The following SNX14 variants were observed in gnomAD, a reference collection of about 807,000 sequenced individuals.
SNX14 encodes the protein sorting nexin-14.
Under a neutral mutation model 133.8 loss-of-function variants are expected in SNX14, and 93 were observed. The observed-to-expected ratio is 0.70, with a 90% CI of 0.59 to 0.83. The LOEUF is 0.83. Ranked by LOEUF, SNX14 falls within the 40% of genes least tolerant of loss-of-function variation. The pLI is 0.00. For synonymous variants in SNX14, 368 were observed against 365.6 expected (o/e 1.01, Z -0.07); for missense variants, 945 against 1,094.9 (o/e 0.86, Z 1.93).
intron 15 of SNX14, among the ~76,000 whole-genome samples, chr6:85,539,894 T>C (rs1033205146): frequency 6.6e-6 from 1 of 150,610 alleles, no homozygotes; most frequent in Admixed American, 6.7e-5. Flanking sequence ...TTTTCATCTC[T>C]GAAGTTATGA....
chr6:85,529,412 G>T (rs1779555304), intron 19 of SNX14, among the ~76,000 whole-genome samples: 1 of 151,100 alleles, frequency 6.6e-6, no homozygotes, highest in South Asian at 2.1e-4. Context: ...AAGGAAGGAA[G>T]GAAGCAAGCA....
chr6:85,584,993 C>G (rs1800210036), intron 1 of SNX14, among the ~76,000 whole-genome samples: 1 of 152,146 alleles, frequency 6.6e-6, no homozygotes, highest in African/African-American at 2.4e-5. Flanking sequence ...AGACTTGGAA[C>G]CAACCGAAAT....
intron 18 of SNX14, among the ~76,000 whole-genome samples, chr6:85,531,207 T>G (rs1216676782): frequency 2.6e-5 from 4 of 152,242 alleles, no homozygotes; most frequent in African/African-American, 9.6e-5. Context: ...GGAATCAGAC[T>G]GCCTGTTCTA....
chr6:85,574,893 A>T (rs2128205436), intron 1 of SNX14, among the ~76,000 whole-genome samples: 1 of 152,364 alleles, frequency 6.6e-6, no homozygotes, highest in East Asian at 1.9e-4. Context: ...TACGACAGAA[A>T]GTCTGTGTGA....
rs149213531 is a variant in SNX14, at chr6:85,542,732, G to A, written c.1389+450C>T. On this transcript the variant is annotated intron_variant, in intron 14 of 28. Coordinates refer to ENST00000314673, the MANE Select transcript of SNX14 (RefSeq NM_153816.6). ...TTTAATCTTCACTTAATTACATAGC[G>A]AAAAAGAATATTTACTTTCTTAATC... is the stretch of plus-strand genomic sequence containing the variant. Among the ~76,000 whole-genome samples the A allele has an allele frequency of 4.9e-3, 749 of 152,038 alleles. 9 individuals carry two copies. Among genetic ancestry groups the A allele is most frequent in the African/African-American group, 6.8e-3 (282 of 41,496 alleles).
intron 8 of SNX14, 102 bp from the exon 9 acceptor site, chr6:85,548,478 A>G (rs938152505): frequency 3.4e-6 from 3 of 872,850 alleles, no homozygotes; most frequent in Non-Finnish European, 1.7e-6. Context: ...TAAAATGGAG[A>G]CTATAATTCA....
Position 85,517,747 on chromosome 6 carries a change from G to C in SNX14, c.2268+9C>G. The C allele has an allele frequency of 6.3e-7, 1 of 1,588,718 alleles. No individual in the cohort carries two copies. Among genetic ancestry groups the C allele is most frequent in the Non-Finnish European group, 8.5e-7 (1 of 1,173,564 alleles). On this transcript the variant is annotated intron_variant, in intron 23 of 28. Coordinates refer to ENST00000314673, the MANE Select transcript of SNX14 (RefSeq NM_153816.6). ...AAACTTAATAGTTCTTTAATGCAAT[G>C]TGCAGTACCTTCTTGTTGTTTTCTG...
At chr6:85,553,973 A>T (rs1788769751) in intron 7 of SNX14, among the ~76,000 whole-genome samples, 1 of 152,176 alleles carries the variant, frequency 6.6e-6, no homozygotes, top group Non-Finnish European at 1.5e-5. Flanking sequence ...CCAAGGTGAT[A>T]AGAAATTAAA....
intron 21 of SNX14, among the ~76,000 whole-genome samples, chr6:85,519,506 T>C (rs1776109879): frequency 6.6e-6 from 1 of 151,968 alleles, no homozygotes; most frequent in South Asian, 2.1e-4. Flanking sequence ...TGTGTACCTG[T>C]AGTCTTAGCT....
intron 16 of SNX14, 92 bp downstream of exon 16, chr6:85,538,746 C>T (rs1782698769): frequency 6.3e-6 from 7 of 1,113,822 alleles, no homozygotes; most frequent in Non-Finnish European, 9.0e-6. Flanking sequence ...CCACAGTGTT[C>T]CATTTTTTTC....
chr6:85,505,854 A>C lies in SNX14; in HGVS notation c.*113T>G. 1.4e-6 allele frequency: 1 copy of C among 698,760 alleles called. No individual in the cohort carries two copies. The highest frequency in any genetic ancestry group is 1.8e-5 in the South Asian group (1 of 57,028). 43.3% of individuals were successfully genotyped at this position (698,760 alleles called of 1,614,324 possible). On this transcript the variant is annotated 3_prime_UTR_variant, in exon 29 of 29. Transcript: ENST00000314673. The stretch of plus-strand genomic sequence containing the variant: ...TTATTAAAAACAAAAAATAACTAAA[A>C]TTTCAGACAGCGATGTACATAATAT...
rs528682375 is a variant in SNX14, at chr6:85,517,080, T to C, written c.2268+676A>G. 1.7e-3 allele frequency among the ~76,000 whole-genome samples: 253 copies of C among 152,242 alleles called. 1 individual carries two copies. Among genetic ancestry groups the C allele is most frequent in the African/African-American group, 5.6e-3 (233 of 41,546 alleles). On this transcript the variant is annotated intron_variant, in intron 23 of 28. Transcript: ENST00000314673. The stretch of plus-strand genomic sequence containing the variant: ...CAAAACTGCAATCATCTGCAACAAT[T>C]GTGTCAATATAAAAGAATTACCAGA...
chr6:85,572,401 G>T (rs749541280), intron 2 of SNX14, 27 bp from the exon 3 acceptor site: 2 of 1,522,936 alleles, frequency 1.3e-6, no homozygotes, highest in East Asian at 4.5e-5. Flanking sequence ...AGAGGTGGTG[G>T]GGAGATCCAT....
At position 85,548,386 on chromosome 6, in the gene SNX14, G is replaced by T. The variant is rs997435148; in HGVS notation, c.792-10C>A. 6.4e-7 allele frequency: 1 copy of T among 1,558,894 alleles called. No individual in the cohort carries two copies. The highest frequency in any genetic ancestry group is 8.7e-7 in the Non-Finnish European group (1 of 1,146,778). The stretch of plus-strand genomic sequence containing the variant: ...AAGTAAGGTCAGAGATCTGGAAAAA[G>T]AAATAATAATAATTGTTTATATTTA... On this transcript the variant is annotated splice_polypyrimidine_tract_variant and intron_variant, in intron 8 of 28. Transcript: ENST00000314673.
chr6:85,563,546 C>G (rs1792553339), intron 6 of SNX14, among the ~76,000 whole-genome samples: 1 of 152,088 alleles, frequency 6.6e-6, no homozygotes. Context: ...TGCCCGCCCC[C>G]ATGCCTGGCT....
In SNX14 at chr6:85,505,917, C is replaced by T. The variant is rs1291728006; in HGVS notation, c.*50G>A. The T allele has an allele frequency of 3.8e-6, 5 of 1,304,368 alleles. No individual in the cohort carries two copies. In the South Asian group the frequency reaches 4.7e-5, roughly 12 times the overall value. The allele number at this position is 1,304,368 out of a possible 1,614,324, so 80.8% of individuals were successfully genotyped here. ...ACCCAAAAAAGTAAATTTCTACCAC[C>T]CTCGCACAGCAGAAATTTCAATGGG... On this transcript the variant is annotated 3_prime_UTR_variant, in exon 29 of 29. Transcript: ENST00000314673.
chr6:85,562,812 G>C (rs976611836), intron 6 of SNX14, among the ~76,000 whole-genome samples: 1 of 151,818 alleles, frequency 6.6e-6, no homozygotes, highest in Non-Finnish European at 1.5e-5. Flanking sequence ...GGCTGATCTC[G>C]AACTCCCGAC....
chr6:85,517,903 T>TA (rs1354619071), intron 22 of SNX14, 28 bp from the exon 23 acceptor site: 1 of 1,577,042 alleles, frequency 6.3e-7, no homozygotes, highest in East Asian at 2.3e-5. Context: ...TGTAAGAAAA[T>TA]AAAAAATAAA....
chr6:85,557,292 A>G (rs1790089232), intron 7 of SNX14, among the ~76,000 whole-genome samples: 1 of 152,218 alleles, frequency 6.6e-6, no homozygotes, highest in Non-Finnish European at 1.5e-5. Context: ...AACATTTTAG[A>G]GCTTGATCTT....
Sources: gnomAD v4.1 joint callset for allele counts (sites outside exome capture counted in the v4.1 genomes callset) on GRCh38, gnomAD v4.1.1 for gene constraint, MANE v1.5 for transcripts, NCBI Gene and HGNC (gene_info 2026-07-23, HGNC 2026-07-21) for gene names.